Variants in TADA2A observed in about 807,000 individuals in gnomAD.
The protein encoded by TADA2A is transcriptional adapter 2-alpha.
Under a neutral mutation model 67.4 loss-of-function variants are expected in TADA2A, and 38 were observed. The observed-to-expected ratio is 0.56, with a 90% CI of 0.44 to 0.74. TADA2A has a LOEUF of 0.74. Among genes scored for constraint, TADA2A ranks in the 30% least tolerant of loss-of-function variants. The pLI, the probability that TADA2A is intolerant of heterozygous loss-of-function variation, is 0.00. For synonymous variants in TADA2A, 192 were observed against 181.6 expected, an observed-to-expected ratio of 1.06 and a Z score of -0.46; for missense variants, 454 against 547.0, an observed-to-expected ratio of 0.83 and a Z score of 1.70.
chr17:37,471,757 C>T (rs562757253), intron 14 of TADA2A, among the ~76,000 whole-genome samples: 6 of 152,240 alleles, frequency 3.9e-5, no homozygotes, highest in Non-Finnish European at 7.4e-5. Flanking sequence ...GCACCCACCA[C>T]GGCCTCCCAA....
rs779706863 is a variant in TADA2A at position 37,437,087 on chromosome 17, AT to A, written c.193-635del. ...AGTTCCTAGATTCCATTTATTTTTA[AT>A]TTTTTTTTTTTTTTTGAAACGGAGT... is the stretch of plus-strand genomic sequence containing the variant. On this transcript the variant is annotated intron_variant, in intron 4 of 15. Coordinates refer to ENST00000615182, the MANE Select transcript of TADA2A (RefSeq NM_001166105.3). Among the ~76,000 whole-genome samples the A allele has an allele frequency of 2.3e-3, 327 of 140,626 alleles. 1 individual carries two copies. The highest frequency in any genetic ancestry group is 7.3e-3 in the Middle Eastern group (2 of 274). 92.3% of individuals were successfully genotyped at this position (140,626 alleles called of 152,430 possible).
At chr17:37,429,259 C>T (rs2052502245) in intron 4 of TADA2A, among the ~76,000 whole-genome samples, 2 of 151,796 alleles carry the variant, frequency 1.3e-5, no homozygotes, top group Non-Finnish European at 2.9e-5. Context: ...TGTATAAGGA[C>T]TCATGTGGAT....
intron 12 of TADA2A, among the ~76,000 whole-genome samples, chr17:37,469,156 C>G (rs983976440): frequency 6.6e-6 from 1 of 151,708 alleles, no homozygotes; most frequent in South Asian, 2.1e-4. Context: ...ATCCACCCAC[C>G]TCAGCCTCCC....
In TADA2A at chr17:37,478,128, A is replaced by AC. The variant is rs1356377460; in HGVS notation, c.*1146_*1147insC. On this transcript the variant is annotated 3_prime_UTR_variant, in exon 16 of 16. Coordinates refer to ENST00000615182, the MANE Select transcript of TADA2A (RefSeq NM_001166105.3). Reference sequence around the variant, plus strand: ...GTGAGACTCTGTCTCAAAAAAAAAAAAACAAAAAAAAACCTTTAATGTCTG... The same window carrying AC: ...GTGAGACTCTGTCTCAAAAAAAAAAACAACAAAAAAAAACCTTTAATGTCTG... 7 of 151,740 alleles carry AC rather than the reference A, an allele frequency of 4.6e-5. No individual in the cohort carries two copies. The highest frequency in any genetic ancestry group is 1.0e-4 in the Non-Finnish European group (7 of 67,922). The allele number at this position is 151,740 out of a possible 1,614,324, so 9.4% of individuals were successfully genotyped here.
intron 2 of TADA2A, 85 bp downstream of exon 2, chr17:37,411,475 T>C: frequency 7.7e-7 from 1 of 1,304,294 alleles, no homozygotes; most frequent in Non-Finnish European, 1.1e-6. Context: ...CAGGCTGGGG[T>C]ACAGTGGCAT....
intron 2 of TADA2A, among the ~76,000 whole-genome samples, chr17:37,413,331 T>C (rs2051936743): frequency 1.3e-5 from 2 of 152,222 alleles, no homozygotes; most frequent in Admixed American, 1.3e-4. Flanking sequence ...TTCAACTCTT[T>C]CATTTTACAT....
intron 14 of TADA2A, 76 bp from the exon 15 acceptor site, chr17:37,474,480 T>C (rs560966108): frequency 9.5e-5 from 138 of 1,455,598 alleles, no homozygotes; most frequent in Non-Finnish European, 1.2e-4. Flanking sequence ...CTGGCTGCAC[T>C]GAACTTTTTA....
chr17:37,410,045 CTTGTAATCCCAGCTTCTCAGGA>C (rs2051813036), intron 1 of TADA2A, among the ~76,000 whole-genome samples: 1 of 152,002 alleles, frequency 6.6e-6, no homozygotes, highest in African/African-American at 2.4e-5. Flanking sequence ...GTGGCACATG[CTTGTAATCCCAGCTTCTCAGGA>C]GGCTGAGGCA....
At chr17:37,461,588 G>A (rs1413130645) in intron 9 of TADA2A, among the ~76,000 whole-genome samples, 1 of 152,140 alleles carries the variant, frequency 6.6e-6, no homozygotes, top group East Asian at 1.9e-4. Flanking sequence ...GTTTTATAAT[G>A]CCCTTTCATT....
intron 8 of TADA2A, among the ~76,000 whole-genome samples, chr17:37,445,361 G>A (rs998682160): frequency 6.6e-6 from 1 of 152,186 alleles, no homozygotes; most frequent in African/African-American, 2.4e-5. Flanking sequence ...TGTCTCCCAG[G>A]TTCAAGGGAT....
In TADA2A at chr17:37,422,196, C is replaced by T. The variant is rs1161631289; in HGVS notation, c.26-1313C>T. Among the ~76,000 whole-genome samples the T allele has an allele frequency of 1.4e-5, 2 of 145,548 alleles. 1 individual carries two copies. The highest frequency in any genetic ancestry group is 3.1e-5 in the Non-Finnish European group (2 of 65,352). The stretch of plus-strand genomic sequence containing the variant: ...GAGTAGCTGGGATTACAGGTGTGCA[C>T]CACCACACCTGGCTAATTTTTGTGT... On this transcript the variant is annotated intron_variant, in intron 2 of 15. Coordinates refer to ENST00000615182, the MANE Select transcript of TADA2A (RefSeq NM_001166105.3).
intron 9 of TADA2A, among the ~76,000 whole-genome samples, chr17:37,459,526 A>T (rs940292417): frequency 2.7e-5 from 4 of 150,378 alleles, no homozygotes; most frequent in African/African-American, 7.4e-5. Flanking sequence ...TAAGTGATCC[A>T]TCCCCCTCTG....
At chr17:37,431,369 A>G (rs756409827) in intron 4 of TADA2A, among the ~76,000 whole-genome samples, 1 of 151,874 alleles carries the variant, frequency 6.6e-6, no homozygotes, top group Non-Finnish European at 1.5e-5. Flanking sequence ...TAGTATAGGC[A>G]TAGACTCCAA....
chr17:37,463,149 G>A (rs185969079), intron 10 of TADA2A, among the ~76,000 whole-genome samples: 9 of 152,030 alleles, frequency 5.9e-5, no homozygotes, highest in African/African-American at 1.9e-4. Context: ...AAATATCAGA[G>A]ATACCTAAGC....
At chr17:37,417,881 AAG>A (rs1338627013) in intron 2 of TADA2A, among the ~76,000 whole-genome samples, 2 of 152,200 alleles carry the variant, frequency 1.3e-5, no homozygotes, top group Non-Finnish European at 2.9e-5. Context: ...ACTATAATAA[AAG>A]AGATAAATAC....
intron 14 of TADA2A, among the ~76,000 whole-genome samples, chr17:37,473,607 A>C (rs1470512425): frequency 2.0e-5 from 3 of 152,156 alleles, no homozygotes; most frequent in Non-Finnish European, 4.4e-5. Flanking sequence ...TCTTTGCTTA[A>C]CTCAGTCTAT....
At chr17:37,474,059 A>G (rs1433384116) in intron 14 of TADA2A, among the ~76,000 whole-genome samples, 2 of 152,200 alleles carry the variant, frequency 1.3e-5, no homozygotes, top group Non-Finnish European at 2.9e-5. Flanking sequence ...CAGATTTTAG[A>G]GTCTCCTACA....
intron 2 of TADA2A, among the ~76,000 whole-genome samples, chr17:37,413,073 T>A (rs888838563): frequency 6.6e-6 from 1 of 151,910 alleles, no homozygotes; most frequent in African/African-American, 2.4e-5. Flanking sequence ...AGTATAGGCG[T>A]CTGCCACCAC....
At position 37,478,942 on chromosome 17, in the gene TADA2A, C is replaced by T. The variant is rs1199294097; in HGVS notation, c.*1960C>T. The stretch of plus-strand genomic sequence containing the variant: ...CTGTTTTCCTTGTAAAATCATATCT[C>T]GTAGAAAACATTTTACCACTACCAT... On this transcript the variant is annotated 3_prime_UTR_variant, in exon 16 of 16. Transcript: ENST00000615182. 1 of 152,080 alleles carries T rather than the reference C, an allele frequency of 6.6e-6. No individual in the cohort carries two copies. The highest frequency in any genetic ancestry group is 1.5e-5 in the Non-Finnish European group (1 of 68,036). 9.4% of individuals were successfully genotyped at this position (152,080 alleles called of 1,614,324 possible).
Sources: gnomAD v4.1 joint callset for allele counts (sites outside exome capture counted in the v4.1 genomes callset) on GRCh38, gnomAD v4.1.1 for gene constraint, MANE v1.5 for transcripts, NCBI Gene and HGNC (gene_info 2026-07-23, HGNC 2026-07-21) for gene names.